The following RIF1 variants were observed in gnomAD, a reference collection of about 807,000 sequenced individuals.
The protein encoded by RIF1 is telomere-associated protein RIF1.
A neutral mutation model predicts 247.1 loss-of-function variants in RIF1; 45 were observed. That is an observed-to-expected ratio of 0.18 (90% CI 0.14 to 0.23). RIF1 has a LOEUF of 0.23. Among genes scored for constraint, RIF1 ranks in the 10% least tolerant of loss-of-function variants. The pLI, the probability that RIF1 is intolerant of heterozygous loss-of-function variation, is 1.00. For synonymous variants in RIF1, 1,087 were observed against 978.8 expected, an observed-to-expected ratio of 1.11 and a Z score of -2.06; for missense variants, 2,967 against 2,862.5, an observed-to-expected ratio of 1.04 and a Z score of -0.83.
At chr2:151,525,326 G>C in the RIF1 span, 1 of 1,327,534 alleles carries the variant, frequency 7.5e-7, no homozygotes, top group Non-Finnish European at 1.1e-6. Flanking sequence ...GAACAGAGTT[G>C]GTTTACTTGA....
intron 9 of RIF1, chr2:151,493,478 ACAG>A: frequency 7.1e-7 from 1 of 1,415,414 alleles, no homozygotes; most frequent in Non-Finnish European, 9.7e-7. Context: ...TAGGCATCAG[ACAG>A]CAGAAAACCA....
At position 151,435,492 on chromosome 2, in the gene RIF1, A is replaced by G. The variant is rs1332774601; in HGVS notation, c.1107A>G (p.Ile369Met). Residue 369 changes from isoleucine to methionine, a missense_variant, in exon 11 of 36, where the codon ATA becomes ATG. Physicochemically the swap from Ile to Met is conservative, Grantham distance 10 (BLOSUM62 1). Around this residue, in one of 7 missense-constraint regions of RIF1, gnomAD observed 369 missense variants for 322.0 expected, o/e 1.15. Coordinates refer to ENST00000444746, the MANE Select transcript of RIF1 (RefSeq NM_018151.5). ...GTGTGCCTCTGATTCAAAGTACAAT[A>G]AGCATTGATTCTAATGCCTCACCTC... ...QVCVPLIQST[I>M]SIDSNASPQG... 2 of 1,611,796 alleles carry G rather than the reference A, an allele frequency of 1.2e-6. No individual in the cohort carries two copies. Among genetic ancestry groups the G allele is most frequent in the African/African-American group, 2.7e-5 (2 of 74,880 alleles).
chr2:151,419,260 T>G (rs1479238179), intron 6 of RIF1, among the ~76,000 whole-genome samples: 1 of 152,300 alleles, frequency 6.6e-6, no homozygotes, highest in East Asian at 1.9e-4. Context: ...AGGAGTAAAC[T>G]CTAATGATAA....
Position 151,489,872 on chromosome 2 carries a change from G to T in RIF1, c.*416-5357G>T. 6.2e-6 allele frequency: 5 copies of T among 811,642 alleles called. No individual in the cohort carries two copies. The South Asian group carries it at 7.7e-5, about 12-fold the overall frequency. The allele number at this position is 811,642 out of a possible 1,614,324, so 50.3% of individuals were successfully genotyped here. On this transcript the variant is annotated intron_variant and NMD_transcript_variant, in intron 9 of 13. Coordinates refer to the RIF1 transcript ENST00000454583. ...AAAAGAGCATTATATAAAATAGAAG[G>T]TTTGGTTAAAAAAAACCGTAATACC...
chr2:151,474,231 G>A (rs1317335648), intron 35 of RIF1, among the ~76,000 whole-genome samples, 159 bp downstream of exon 35: 2 of 152,186 alleles, frequency 1.3e-5, no homozygotes, highest in African/African-American at 4.8e-5. Context: ...GACATCAAAT[G>A]TGTCTACTTG....
chr2:151,433,283 A>T, intron 10 of RIF1, 55 bp downstream of exon 10: 1 of 1,372,534 alleles, frequency 7.3e-7, no homozygotes, highest in Admixed American at 1.9e-5. Flanking sequence ...TGTGTTCTTA[A>T]ATTCTTACCA....
In RIF1 at chr2:151,410,039, A is replaced by AT; in HGVS notation, c.-11+7dup. On this transcript the variant is annotated splice_region_variant and intron_variant, in intron 1 of 35. Coordinates refer to ENST00000444746, the MANE Select transcript of RIF1 (RefSeq NM_018151.5). Reference sequence around the variant, plus strand: ...CCCTGTCCTGATCTTCCTAGGTGGGATAAATATCGGGGTGACAGTGGTAGG... The same window carrying AT: ...CCCTGTCCTGATCTTCCTAGGTGGGATTAAATATCGGGGTGACAGTGGTAGG... The AT allele has an allele frequency of 1.4e-6, 1 of 702,910 alleles. No individual in the cohort carries two copies. The highest frequency in any genetic ancestry group is 2.6e-6 in the Non-Finnish European group (1 of 384,924). The allele number at this position is 702,910 out of a possible 1,614,324, so 43.5% of individuals were successfully genotyped here.
At chr2:151,531,806 T>C in the RIF1 span, 2 of 1,611,554 alleles carry the variant, frequency 1.2e-6, no homozygotes, top group Non-Finnish European at 1.7e-6. Context: ...CTGATTTGTT[T>C]GTTGACTTTT....
the RIF1 span, chr2:151,514,416 T>C: frequency 6.2e-7 from 1 of 1,609,782 alleles, no homozygotes; most frequent in Admixed American, 1.7e-5. Context: ...TCTAGATCTT[T>C]CCTGTACTCT....
chr2:151,470,059 T>C (rs1697559110), intron 34 of RIF1, among the ~76,000 whole-genome samples, 195 bp downstream of exon 34: 1 of 152,098 alleles, frequency 6.6e-6, no homozygotes, highest in South Asian at 2.1e-4. Flanking sequence ...CCTTCTCTCT[T>C]TCATTTCCAC....
At chr2:151,473,891 T>C (rs565982066) in intron 34 of RIF1, 73 bp from the exon 35 acceptor site, 34 of 790,718 alleles carry the variant, frequency 4.3e-5, no homozygotes, top group South Asian at 3.9e-4. Flanking sequence ...GTACTATTAC[T>C]CCTATTAAAA....
At chr2:151,490,350 A>T (rs1574539175) in intron 9 of RIF1, 3 of 1,581,230 alleles carry the variant, frequency 1.9e-6, no homozygotes, top group South Asian at 2.3e-5. Context: ...GGACTGCCAA[A>T]ATCAGCGCCA....
At chr2:151,461,657 G>T (rs1048176445) in intron 27 of RIF1, among the ~76,000 whole-genome samples, 1 of 152,126 alleles carries the variant, frequency 6.6e-6, no homozygotes, top group Non-Finnish European at 1.5e-5. Flanking sequence ...CTCCCAAAGT[G>T]CTGGGATTAC....
intron 21 of RIF1, among the ~76,000 whole-genome samples, chr2:151,454,149 A>G (rs1189453854): frequency 1.3e-5 from 2 of 152,226 alleles, no homozygotes; most frequent in Non-Finnish European, 2.9e-5. Flanking sequence ...ATGTTACCAT[A>G]TGAGATTAAT....
intron 12 of RIF1, among the ~76,000 whole-genome samples, chr2:151,505,749 C>G (rs1423124226): frequency 3.9e-5 from 6 of 152,146 alleles, no homozygotes; most frequent in Non-Finnish European, 1.5e-5. Flanking sequence ...GAGAACAATT[C>G]CAAGGACAGG....
At chr2:151,490,227 C>T (rs2152770506) in intron 9 of RIF1, 1 of 1,174,470 alleles carries the variant, frequency 8.5e-7, no homozygotes, top group Non-Finnish European at 1.2e-6. Flanking sequence ...TAACTTCATG[C>T]AGCCCTCCAC....
At chr2:151,525,987 C>T in the RIF1 span, 19 of 1,613,988 alleles carry the variant, frequency 1.2e-5, no homozygotes, top group Admixed American at 5.0e-5. Flanking sequence ...ACTTCCTTGA[C>T]GTGAACAGTG....
Position 151,469,882 on chromosome 2 carries a change from A to G in RIF1, c.7095+18A>G, listed in dbSNP as rs773070917. 7.1e-6 allele frequency: 11 copies of G among 1,559,892 alleles called. No homozygotes were observed. Among genetic ancestry groups the G allele is most frequent in the African/African-American group, 1.4e-5 (1 of 72,782 alleles). Reference sequence around the variant, plus strand: ...AGCAGCAGGTAAAAACTTAGATATTAGCTATGATGTATATTAATAAATGAT... The same window carrying G: ...AGCAGCAGGTAAAAACTTAGATATTGGCTATGATGTATATTAATAAATGAT... On this transcript the variant is annotated intron_variant, in intron 34 of 35. Coordinates refer to ENST00000444746, the MANE Select transcript of RIF1 (RefSeq NM_018151.5).
chr2:151,437,073 G>A, intron 12 of RIF1, 70 bp downstream of exon 12: 18 of 1,392,072 alleles, frequency 1.3e-5, no homozygotes, highest in Non-Finnish European at 1.7e-5. Context: ...GGGGTGAGGA[G>A]AGGTGTTATT....
Sources: allele counts gnomAD v4.1 joint callset (sites outside exome capture counted in the v4.1 genomes callset), GRCh38; gene constraint gnomAD v4.1.1; regional missense constraint gnomAD v4.1.1; transcripts MANE v1.5; gene names NCBI Gene and HGNC (gene_info 2026-07-23, HGNC 2026-07-21).